Variants in CDH7 observed in about 807,000 individuals in gnomAD.
CDH7 encodes cadherin-7.
CDH7 carries 25 observed loss-of-function variants against 71.8 expected under a neutral mutation model. The observed-to-expected ratio is 0.35, with a 90% confidence interval of 0.25 to 0.49. CDH7 has a LOEUF of 0.49. CDH7 is among the 20% of genes least tolerant of loss of function. CDH7 has a pLI of 0.99. For synonymous variants in CDH7, 381 were observed against 363.8 expected, an observed-to-expected ratio of 1.05 and a Z score of -0.54; for missense variants, 862 against 974.6, an observed-to-expected ratio of 0.88 and a Z score of 1.54.
chr18:65,882,995 C>T lies in CDH7; in HGVS notation c.*2101C>T, dbSNP rs1013543626. ...GCTGATTGTTGCACATACCACTAAA[C>T]GGAGGTGTGGATGTATTTTAGAAAA... is the stretch of plus-strand genomic sequence containing the variant. On this transcript the variant is annotated 3_prime_UTR_variant, in exon 12 of 12. Coordinates refer to ENST00000397968, the MANE Select transcript of CDH7 (RefSeq NM_004361.5). 3 of 151,972 alleles carry T rather than the reference C, an allele frequency of 2.0e-5. No individual in the cohort carries two copies. Among genetic ancestry groups the T allele is most frequent in the Admixed American group, 6.6e-5 (1 of 15,252 alleles). 9.4% of individuals were successfully genotyped at this position (151,972 alleles called of 1,614,324 possible).
In CDH7 at chr18:65,882,693, G is replaced by A. The variant is rs1006973906; in HGVS notation, c.*1799G>A. ...CATTGTTTTATGACTATATAGATAT[G>A]CTTCTTGCTGTATTAATATGCATAT... On this transcript the variant is annotated 3_prime_UTR_variant, in exon 12 of 12. Coordinates refer to ENST00000397968, the MANE Select transcript of CDH7 (RefSeq NM_004361.5). The A allele has an allele frequency of 6.6e-6, 1 of 152,038 alleles. No homozygotes were observed. Among genetic ancestry groups the A allele is most frequent in the Non-Finnish European group, 1.5e-5 (1 of 67,952 alleles). 9.4% of individuals were successfully genotyped at this position (152,038 alleles called of 1,614,324 possible).
At chr18:65,800,188 T>A (rs1485495474) in intron 2 of CDH7, among the ~76,000 whole-genome samples, 1 of 152,166 alleles carries the variant, frequency 6.6e-6, no homozygotes, top group African/African-American at 2.4e-5. Context: ...CAAGTGATTC[T>A]CCTGCCTCAG....
intron 2 of CDH7, among the ~76,000 whole-genome samples, chr18:65,785,602 A>G (rs1055675871): frequency 6.6e-6 from 1 of 152,076 alleles, no homozygotes; most frequent in Non-Finnish European, 1.5e-5. Context: ...TTTGAAAAAA[A>G]AGAAAAAAAA....
At position 65,809,763 on chromosome 18, in the gene CDH7, G is replaced by C. The variant is rs1416642428; in HGVS notation, c.270G>C (p.Gly90=). 8.1e-6 allele frequency: 13 copies of C among 1,613,986 alleles called. No individual in the cohort carries two copies. The highest frequency in any genetic ancestry group is 1.0e-5 in the Non-Finnish European group (12 of 1,179,962). Residue 90 remains glycine (G), a synonymous_variant, in exon 3 of 12, where the codon GGG becomes GGC. Transcript: ENST00000397968. The stretch of plus-strand genomic sequence containing the variant: ...TCAAATACATCTTGTCAGGCGAAGG[G>C]GCAAGTTCCATTTTCATTATTGATG... ...GSIKYILSGE[G]ASSIFIIDEN...
chr18:65,789,340 A>C, intron 2 of CDH7, among the ~76,000 whole-genome samples: 1 of 152,196 alleles, frequency 6.6e-6, no homozygotes, highest in Non-Finnish European at 1.5e-5. Context: ...AGGCGTGGAG[A>C]CTTGAGAAAA....
chr18:65,884,954 T>A lies in CDH7; in HGVS notation c.*4060T>A, dbSNP rs1013636327. 3 of 152,218 alleles carry A rather than the reference T, an allele frequency of 2.0e-5. No homozygotes were observed. The highest frequency in any genetic ancestry group is 6.5e-5 in the Admixed American group (1 of 15,286). 9.4% of individuals were successfully genotyped at this position (152,218 alleles called of 1,614,324 possible). On this transcript the variant is annotated 3_prime_UTR_variant, in exon 12 of 12. Transcript: ENST00000397968. ...TTAACTCTTTCTGGTCCACGATGCC[T>A]GGAGGCAAGTGAAATATATATGACA...
intron 2 of CDH7, among the ~76,000 whole-genome samples, chr18:65,763,814 A>G (rs1916275726): frequency 6.6e-6 from 1 of 151,974 alleles, no homozygotes; most frequent in Non-Finnish European, 1.5e-5. Context: ...GGAGATTTTC[A>G]CTGGAGAGCT....
In CDH7 at chr18:65,843,844, G is replaced by C; in HGVS notation, c.1014G>C (p.Thr338=). 1.9e-6 allele frequency: 3 copies of C among 1,560,466 alleles called. No individual in the cohort carries two copies. Among genetic ancestry groups the C allele is most frequent in the Non-Finnish European group, 2.6e-6 (3 of 1,151,378 alleles). ...ATTTTGAAGCCAAAACAAGTTACAC[G>C]CTACGGATAGAAGCTGCAAATAAAG... ...ELDFEAKTSY[T]LRIEAANKDA... is the part of the protein sequence containing the mutation. The change falls in exon 7 of 12, where the codon ACG becomes ACC. Residue 338 remains threonine (T), a synonymous_variant. Transcript: ENST00000397968.
chr18:65,752,886 G>A (rs1051883738), intron 1 of CDH7, among the ~76,000 whole-genome samples: 1 of 152,178 alleles, frequency 6.6e-6, no homozygotes, highest in East Asian at 1.9e-4. Context: ...CACTTACAAC[G>A]TGAGATATTA....
chr18:65,813,973 C>T (rs1464985750), intron 3 of CDH7, among the ~76,000 whole-genome samples: 7 of 152,164 alleles, frequency 4.6e-5, no homozygotes, highest in Non-Finnish European at 7.3e-5. Context: ...AGGGTAGCCA[C>T]CTAATATACA....
At chr18:65,866,824 C>T (rs1913777542) in intron 11 of CDH7, among the ~76,000 whole-genome samples, 1 of 151,990 alleles carries the variant, frequency 6.6e-6, no homozygotes, top group African/African-American at 2.4e-5. Flanking sequence ...TTCTTGCTCT[C>T]TCTCTAATTT....
At chr18:65,865,169 G>T (rs901834236) in intron 11 of CDH7, 16 of 151,960 alleles carry the variant, frequency 1.1e-4, no homozygotes, top group African/African-American at 3.9e-4. Flanking sequence ...TTTGACTTTG[G>T]GATTTTTTGC....
At chr18:65,769,290 A>G (rs1916474619) in intron 2 of CDH7, among the ~76,000 whole-genome samples, 1 of 152,222 alleles carries the variant, frequency 6.6e-6, no homozygotes. Context: ...GAAGCTTTAT[A>G]TAGTAGAAAG....
Position 65,851,158 on chromosome 18 carries a change from A to G in CDH7, c.1236-6658A>G, listed in dbSNP as rs181562617. On this transcript the variant is annotated intron_variant, in intron 7 of 11. Transcript: ENST00000397968. ...ATTAAATTCCTAAGAGACAAGCACT[A>G]TTATTCCTATATTAGAAGTAAATAT... is the stretch of plus-strand genomic sequence containing the variant. Among the ~76,000 whole-genome samples, 471 of 152,238 alleles carry G rather than the reference A, an allele frequency of 3.1e-3. 2 individuals carry two copies. The highest frequency in any genetic ancestry group is 0.01 in the African/African-American group (431 of 41,552).
chr18:65,834,781 A>G (rs1005627728), intron 6 of CDH7, among the ~76,000 whole-genome samples: 1 of 152,156 alleles, frequency 6.6e-6, no homozygotes, highest in Non-Finnish European at 1.5e-5. Context: ...CTTCTTCCCG[A>G]CTGTTTAATT....
intron 3 of CDH7, among the ~76,000 whole-genome samples, chr18:65,811,966 C>CTT (rs57594274): frequency 0.52 from 49,524 of 95,536 alleles, 14,830 homozygotes; most frequent in East Asian, 0.79. Context: ...CTTTTCTTTT[C>CTT]TTTTTTTTTT....
At chr18:65,830,290 G>A (rs1912289777) in intron 6 of CDH7, among the ~76,000 whole-genome samples, 3 of 151,940 alleles carry the variant, frequency 2.0e-5, no homozygotes, top group African/African-American at 7.3e-5. Context: ...CAAATAGAGT[G>A]GATTACACAT....
chr18:65,850,447 A>G (rs1268616209), intron 7 of CDH7, among the ~76,000 whole-genome samples: 2 of 151,824 alleles, frequency 1.3e-5, no homozygotes, highest in South Asian at 2.1e-4. Context: ...ATCTTCAGAA[A>G]AGAGAGGAGT....
chr18:65,813,586 A>G (rs1400734834), intron 3 of CDH7, among the ~76,000 whole-genome samples: 3 of 152,058 alleles, frequency 2.0e-5, no homozygotes, highest in Non-Finnish European at 4.4e-5. Context: ...TTTGTAACAA[A>G]CTAGGACCTT....
Sources: allele counts gnomAD v4.1 joint callset (sites outside exome capture counted in the v4.1 genomes callset), GRCh38; gene constraint gnomAD v4.1.1; transcripts MANE v1.5; gene names NCBI Gene and HGNC (gene_info 2026-07-23, HGNC 2026-07-21).